Variants in TRPM7 observed in about 807,000 individuals in gnomAD.
TRPM7 encodes LTRPC ion channel family member 7.
Under a neutral mutation model 229.7 loss-of-function variants are expected in TRPM7, and 134 were observed. The ratio of observed to expected loss-of-function variants is 0.58; its 90% CI spans 0.51 to 0.67. TRPM7 has a LOEUF of 0.67. Among genes scored for constraint, TRPM7 ranks in the 30% least tolerant of loss-of-function variants. TRPM7 has a pLI of 0.00. For synonymous variants in TRPM7, 699 were observed against 715.2 expected (o/e 0.98, Z 0.36); for missense variants, 1,901 against 2,210.0 (o/e 0.86, Z 2.80).
In TRPM7 at chr15:50,586,446, G is replaced by A; in HGVS notation, c.4432C>T (p.Leu1478Phe). The A allele has an allele frequency of 3.1e-6, 5 of 1,613,348 alleles. No homozygotes were observed. The highest frequency in any genetic ancestry group is 4.2e-6 in the Non-Finnish European group (5 of 1,179,444). Reference sequence around the variant, plus strand: ...CTGTGACAGTCAGTAAATCCAGCAAGAGAACTCACTCGTTTCAAAGTGTTT... The same window carrying A: ...CTGTGACAGTCAGTAAATCCAGCAAAAGAACTCACTCGTTTCAAAGTGTTT... ...SENTLKRVSSLAGFTDCHRTS... is the reference protein window; with the variant it reads ...SENTLKRVSSFAGFTDCHRTS... The change falls in exon 28 of 39, where the codon CTT becomes TTT. Residue 1478 changes from leucine to phenylalanine, a missense_variant. By Grantham distance (22) the Leu-to-Phe change is conservative. Coordinates refer to ENST00000646667, the MANE Select transcript of TRPM7 (RefSeq NM_017672.6).
chr15:50,668,524 G>C (rs1331213744), intron 1 of TRPM7, among the ~76,000 whole-genome samples: 6 of 151,820 alleles, frequency 4.0e-5, no homozygotes, highest in African/African-American at 1.2e-4. Context: ...TTTGTTTTTT[G>C]AGACAAAGAG....
At chr15:50,656,374 A>T (rs989451020) in intron 3 of TRPM7, among the ~76,000 whole-genome samples, 1 of 151,900 alleles carries the variant, frequency 6.6e-6, no homozygotes, top group Admixed American at 6.6e-5. Context: ...ATCAGGGCTT[A>T]TTGCAGCCTC....
chr15:50,642,183 T>A (rs1449606761), intron 5 of TRPM7, among the ~76,000 whole-genome samples: 1 of 152,180 alleles, frequency 6.6e-6, no homozygotes, highest in Non-Finnish European at 1.5e-5. Flanking sequence ...TTCTTACTGC[T>A]GCTGAGGCAA....
rs566530087 is a variant in TRPM7, at chr15:50,578,746, A to T, written c.4593-82T>A. ...TCATTTAATTTTTTGATTTTATACA[A>T]TTATTATATAAAAAATATTATTAAG... On this transcript the variant is annotated intron_variant, in intron 30 of 38. Coordinates refer to ENST00000646667, the MANE Select transcript of TRPM7 (RefSeq NM_017672.6). The T allele has an allele frequency of 9.6e-6, 9 of 932,832 alleles. No homozygotes were observed. The Admixed American group carries it at 1.2e-4, about 13-fold the overall frequency. 57.8% of individuals were successfully genotyped at this position (932,832 alleles called of 1,614,324 possible).
At chr15:50,639,616 G>C in intron 5 of TRPM7, 68 bp from the exon 6 acceptor site, 1 of 1,451,114 alleles carries the variant, frequency 6.9e-7, no homozygotes, top group Middle Eastern at 1.9e-4. Context: ...ACCCAGGAAA[G>C]AGAGCAGTGG....
intron 3 of TRPM7, 44 bp downstream of exon 3, chr15:50,657,733 TTTTA>T: frequency 6.5e-7 from 1 of 1,540,728 alleles, no homozygotes; most frequent in Non-Finnish European, 8.9e-7. Context: ...AATAGATTAG[TTTTA>T]TTTATTTTCC....
chr15:50,627,530 T>C (rs985171166), intron 11 of TRPM7, among the ~76,000 whole-genome samples: 3 of 151,998 alleles, frequency 2.0e-5, no homozygotes, highest in East Asian at 1.9e-4. Context: ...GCAAAGAGGA[T>C]AGTAGTAGCA....
chr15:50,580,724 AATCTC>A (rs1472444123), intron 30 of TRPM7, 145 bp downstream of exon 30: 2 of 575,622 alleles, frequency 3.5e-6, no homozygotes, highest in African/African-American at 1.9e-5. Flanking sequence ...TTGTTCCCCT[AATCTC>A]ATCTATGTGA....
chr15:50,679,842 G>A (rs2062204145), intron 1 of TRPM7, among the ~76,000 whole-genome samples: 3 of 151,852 alleles, frequency 2.0e-5, no homozygotes, highest in Admixed American at 2.0e-4. Context: ...GTCTTTTCCT[G>A]CTGCTTTTAA....
intron 28 of TRPM7, among the ~76,000 whole-genome samples, chr15:50,583,588 T>TTTTTTTTTTTTTA (rs2054535811): frequency 6.6e-6 from 1 of 151,812 alleles, no homozygotes; most frequent in Non-Finnish European, 1.5e-5. Context: ...TTGTTTTTTT[T>TTTTTTTTTTTTTA]TTTTTGAGAC....
chr15:50,636,657 T>A (rs2140712856), intron 7 of TRPM7, among the ~76,000 whole-genome samples: 1 of 152,268 alleles, frequency 6.6e-6, no homozygotes, highest in African/African-American at 2.4e-5. Context: ...AACCAGAAAA[T>A]TCAGACATGG....
intron 3 of TRPM7, among the ~76,000 whole-genome samples, chr15:50,655,470 A>C (rs561659751): frequency 6.6e-6 from 1 of 151,646 alleles, no homozygotes; most frequent in Admixed American, 6.6e-5. Flanking sequence ...AAACCTTCTC[A>C]ATCAGGTAAA....
At position 50,614,261 on chromosome 15, in the gene TRPM7, T is replaced by C; in HGVS notation, c.1497A>G (p.Gly499=). Reference sequence around the variant, plus strand: ...TGATCTTATATCCTGGAGGAAGATTTCCCTAGAAACAAAACATTTGTTTTA... The same window carrying C: ...TGATCTTATATCCTGGAGGAAGATTCCCCTAGAAACAAAACATTTGTTTTA... ...LFHLVRDVKQ[G]NLPPGYKITL... is the part of the protein sequence containing the mutation. Residue 499 remains glycine, a splice_region_variant and synonymous_variant, in exon 14 of 39, where the codon GGA becomes GGG. Transcript: ENST00000646667. 1 of 1,595,620 alleles carries C rather than the reference T, an allele frequency of 6.3e-7. No individual in the cohort carries two copies. Among genetic ancestry groups the C allele is most frequent in the Non-Finnish European group, 8.5e-7 (1 of 1,174,418 alleles).
intron 13 of TRPM7, among the ~76,000 whole-genome samples, chr15:50,619,215 T>A (rs528072298): frequency 5.4e-5 from 8 of 149,018 alleles, no homozygotes; most frequent in Non-Finnish European, 8.9e-5. Flanking sequence ...GCTCAACAGC[T>A]TTTTTTTCTT....
rs903934608 is a variant in TRPM7 at position 50,632,531 on chromosome 15, T to C, written c.1131+338A>G. On this transcript the variant is annotated intron_variant, in intron 9 of 38. Coordinates refer to ENST00000646667, the MANE Select transcript of TRPM7 (RefSeq NM_017672.6). ...TTAATAGGCTTAAGCACATTAAAAA[T>C]TTTTTTCCAAACATTTTATTAGAGA... 1.5e-4 allele frequency among the ~76,000 whole-genome samples: 23 copies of C among 152,124 alleles called. No individual in the cohort carries two copies. In the South Asian group the frequency reaches 2.5e-3, roughly 16 times the overall value.
Position 50,657,785 on chromosome 15 carries a change from C to G in TRPM7, c.118G>C (p.Val40Leu). Residue 40 changes from valine (V) to leucine (L), a missense_variant, in exon 3 of 39, where the codon GTC (valine) becomes CTC (leucine). Val to Leu is a conservative substitution (Grantham distance 32, BLOSUM62 1). Around this residue, in one of 8 missense-constraint regions of TRPM7, gnomAD observed 794 missense variants for 881.9 expected, o/e 0.90. Coordinates refer to ENST00000646667, the MANE Select transcript of TRPM7 (RefSeq NM_017672.6). ...LPGCQICQQL[V>L]RCFCGRLVKQ... Reference sequence around the variant, plus strand: ...GTATAGTTATGTTAAACTTACCTGACGAGTTGCTGACAAATTTGACATCCT... The same window carrying G: ...GTATAGTTATGTTAAACTTACCTGAGGAGTTGCTGACAAATTTGACATCCT... 6.2e-7 allele frequency: 1 copy of G among 1,610,956 alleles called. No individual in the cohort carries two copies. Among genetic ancestry groups the G allele is most frequent in the South Asian group, 1.1e-5 (1 of 90,560 alleles).
chr15:50,610,034 G>A, intron 17 of TRPM7, 73 bp from the exon 18 acceptor site: 1 of 1,106,028 alleles, frequency 9.0e-7, no homozygotes, highest in Non-Finnish European at 1.2e-6. Context: ...ACAAAACAAA[G>A]AATAAAAACA....
intron 12 of TRPM7, 39 bp from the exon 13 acceptor site, chr15:50,619,837 T>C (rs373489883): frequency 6.5e-7 from 1 of 1,535,494 alleles, no homozygotes; most frequent in South Asian, 1.2e-5. Flanking sequence ...ATTATTTTTC[T>C]TCTAAACTAA....
At chr15:50,617,766 C>G (rs929252653) in intron 13 of TRPM7, among the ~76,000 whole-genome samples, 1 of 151,854 alleles carries the variant, frequency 6.6e-6, no homozygotes, top group Non-Finnish European at 1.5e-5. Context: ...TCCCTCAGTG[C>G]CCCCCACACC....
Sources: allele counts gnomAD v4.1 joint callset (sites outside exome capture counted in the v4.1 genomes callset), GRCh38; gene constraint gnomAD v4.1.1; regional missense constraint gnomAD v4.1.1; transcripts MANE v1.5; gene names NCBI Gene and HGNC (gene_info 2026-07-23, HGNC 2026-07-21).